The following DSTYK variants were observed in gnomAD, a reference collection of about 807,000 sequenced individuals.
DSTYK encodes dual serine/threonine and tyrosine protein kinase.
In DSTYK, 34 loss-of-function variants were observed where a neutral mutation model predicts 98.7. The observed-to-expected ratio is 0.34, with a 90% CI of 0.26 to 0.46. DSTYK has a LOEUF of 0.46. Among genes scored for constraint, DSTYK ranks in the 20% least tolerant of loss-of-function variants. The pLI, the probability that DSTYK is intolerant of heterozygous loss-of-function variation, is 1.00. For synonymous variants in DSTYK, 462 were observed against 457.3 expected, an observed-to-expected ratio of 1.01 and a Z score of -0.13; for missense variants, 962 against 1,181.7, an observed-to-expected ratio of 0.81 and a Z score of 2.73.
In DSTYK at chr1:205,145,425, GACTCCATTTAT is replaced by G. The variant is rs1423622119; in HGVS notation, c.*2122_*2132del. The G allele has an allele frequency of 6.6e-6, 1 of 151,876 alleles. No homozygotes were observed. The highest frequency in any genetic ancestry group is 1.5e-5 in the Non-Finnish European group (1 of 68,000). 9.4% of individuals were successfully genotyped at this position (151,876 alleles called of 1,614,324 possible). On this transcript the variant is annotated 3_prime_UTR_variant, in exon 13 of 13. Coordinates refer to ENST00000367162, the MANE Select transcript of DSTYK (RefSeq NM_015375.3). ...AAAGTTATATGAAAGACCCATTATAGACTCCATTTATACTCCATTAATATTTAAAAGATGGT... is the reference window on the plus strand; with the variant it reads ...AAAGTTATATGAAAGACCCATTATAGACTCCATTAATATTTAAAAGATGGT...
At chr1:205,157,504 G>C (rs1657597651) in intron 9 of DSTYK, 118 bp from the exon 10 acceptor site, 1 of 759,170 alleles carries the variant, frequency 1.3e-6, no homozygotes, top group Non-Finnish European at 2.2e-6. Context: ...GCCGGGCACA[G>C]TGGCTCATGC....
At position 205,165,264 on chromosome 1, in the gene DSTYK, T is replaced by C. The variant is rs562116527; in HGVS notation, c.1325-1309A>G. Among the ~76,000 whole-genome samples, 455 of 152,178 alleles carry C rather than the reference T, an allele frequency of 3.0e-3. 2 individuals are homozygous for C. Among genetic ancestry groups the C allele is most frequent in the Non-Finnish European group, 5.2e-3 (352 of 67,996 alleles). On this transcript the variant is annotated intron_variant, in intron 3 of 12. Coordinates refer to ENST00000367162, the MANE Select transcript of DSTYK (RefSeq NM_015375.3). ...CCCACCACCACGCCAGACTAATTTT[T>C]GTATTTAGTAGAGATGGGGTTTCAC...
intron 2 of DSTYK, among the ~76,000 whole-genome samples, chr1:205,172,634 T>C (rs947917352): frequency 2.0e-5 from 3 of 152,148 alleles, no homozygotes; most frequent in African/African-American, 7.2e-5. Context: ...TAAAATCTTT[T>C]TTATTTCCAA....
rs557437007 is a variant in DSTYK, at chr1:205,190,540, C to T, written c.266-2734G>A. ...CTGAGGCAGGAGAATCGCTTTAACC[C>T]GGGAAGCGGAGGTTGCAGTGAGCCA... On this transcript the variant is annotated intron_variant, in intron 1 of 12. Transcript: ENST00000367162. Among the ~76,000 whole-genome samples the T allele has an allele frequency of 1.8e-3, 248 of 140,556 alleles. 2 individuals carry two copies. The highest frequency in any genetic ancestry group is 0.017 in the Admixed American group (217 of 12,492). The allele number at this position is 140,556 out of a possible 152,430, so 92.2% of individuals were successfully genotyped here.
rs1175115837 is a variant in DSTYK, at chr1:205,150,842, C to T, written c.2353-48G>A. ...GTCACCTTGTTTCTGATCCTGCACA[C>T]AGCACTGCTGCGTACCTAAGCTCAA... On this transcript the variant is annotated intron_variant, in intron 10 of 12. Transcript: ENST00000367162. The surrounding 1 kb of genome is among the most constrained non-coding windows in gnomAD (Gnocchi z 4.1). 1.4e-6 allele frequency: 2 copies of T among 1,455,588 alleles called. No homozygotes were observed. The allele number at this position is 1,455,588 out of a possible 1,614,324, so 90.2% of individuals were successfully genotyped here.
In DSTYK at chr1:205,159,650, T is replaced by G. The variant is rs775839288; in HGVS notation, c.2135A>C (p.Asp712Ala). The G allele has an allele frequency of 6.2e-7, 1 of 1,613,700 alleles. No homozygotes were observed. Among genetic ancestry groups the G allele is most frequent in the Non-Finnish European group, 8.5e-7 (1 of 1,179,990 alleles). The change falls in exon 9 of 13, where the codon GAT becomes GCT. Residue 712 changes from aspartate to alanine, a missense_variant. Transcript: ENST00000367162. ...GTAGTCAATGACTGAACCATGGAGA[T>G]CCACCAATCGCTCATGCTTCGGCAG... Reference protein sequence around the residue: ...RSLPKHERLVDLHGSVIDYNY... With the variant: ...RSLPKHERLVALHGSVIDYNY...
chr1:205,179,040 G>T (rs1463764058), intron 2 of DSTYK, among the ~76,000 whole-genome samples: 2 of 151,698 alleles, frequency 1.3e-5, no homozygotes, highest in South Asian at 2.1e-4. Flanking sequence ...GAGGTGAGAG[G>T]ATCACTTGAG....
rs753457437 is a variant in DSTYK, at chr1:205,169,707, C to A, written c.780G>T (p.Arg260Ser). 1 of 1,614,188 alleles carries A rather than the reference C, an allele frequency of 6.2e-7. No homozygotes were observed. Among genetic ancestry groups the A allele is most frequent in the Non-Finnish European group, 8.5e-7 (1 of 1,180,030 alleles). The change falls in exon 3 of 13, where the codon AGG becomes AGT. Residue 260 changes from arginine to serine, a missense_variant. Arg to Ser is a moderately radical substitution (Grantham distance 110, BLOSUM62 -1). Coordinates refer to ENST00000367162, the MANE Select transcript of DSTYK (RefSeq NM_015375.3). This position sits in a 1 kb window ranked among gnomAD's most constrained non-coding sequence, Gnocchi z 4.0. ...GGATTTCCTGAAGCTCTTGCTCATC[C>A]CTCTCAGAGAGTTCATCTTTGTGGA... is the stretch of plus-strand genomic sequence containing the variant. ...YALHKDELSE[R>S]DEQELQEIRK...
intron 1 of DSTYK, chr1:205,202,690 A>G: frequency 9.4e-7 from 1 of 1,058,456 alleles, no homozygotes; most frequent in South Asian, 1.3e-5. Context: ...TGCCCAGAAG[A>G]AAAAGTTATC....
At position 205,161,329 on chromosome 1, in the gene DSTYK, C is replaced by T. The variant is rs765391969; in HGVS notation, c.1877G>A (p.Arg626Gln). Residue 626 changes from arginine to glutamine, a missense_variant, in exon 7 of 13, where the codon CGG (arginine) becomes CAG (glutamine). Physicochemically the swap from Arg to Gln is conservative, Grantham distance 43 (BLOSUM62 1). Around this residue, in one of 4 missense-constraint regions of DSTYK, gnomAD observed 660 missense variants for 855.0 expected, o/e 0.77. Transcript: ENST00000367162. The stretch of plus-strand genomic sequence containing the variant: ...GGCCAGGCGGGGAGCATGATCTTTC[C>T]GAACCCTCAGCCATAGATCTTCCGT... ...EKTEDLWLRVRKDHAPRLARL... is the reference protein window; with the variant it reads ...EKTEDLWLRVQKDHAPRLARL... 1.7e-5 allele frequency: 27 copies of T among 1,614,020 alleles called. No homozygotes were observed. Among genetic ancestry groups the T allele is most frequent in the Non-Finnish European group, 2.1e-5 (25 of 1,180,008 alleles).
intron 6 of DSTYK, 80 bp downstream of exon 6, chr1:205,161,956 G>T: frequency 7.2e-7 from 1 of 1,395,474 alleles, no homozygotes; most frequent in Non-Finnish European, 9.8e-7. Context: ...TATATATGAA[G>T]AGCGGAGAGC....
rs185665597 is a variant in DSTYK, at chr1:205,166,044, A to T, written c.1325-2089T>A. Among the ~76,000 whole-genome samples, 526 of 152,276 alleles carry T rather than the reference A, an allele frequency of 3.5e-3. 8 individuals carry two copies. The South Asian group carries it at 0.038, about 11-fold the overall frequency. On this transcript the variant is annotated intron_variant, in intron 3 of 12. Transcript: ENST00000367162. ...CTCAAAAAAAAATAAATAAATAAAA[A>T]TAAAAAACAAAAACAAACAGCTTAA...
rs906100594 is a variant in DSTYK at position 205,211,426 on chromosome 1, T to G, written c.110A>C (p.Tyr37Ser). 1.0e-5 allele frequency: 16 copies of G among 1,606,182 alleles called. No individual in the cohort carries two copies. The highest frequency in any genetic ancestry group is 3.4e-6 in the Non-Finnish European group (4 of 1,178,282). Residue 37 changes from tyrosine to serine, a missense_variant, in exon 1 of 13, where the codon TAC becomes TCC. By Grantham distance (144) the Tyr-to-Ser change is moderately radical. Around this residue, in one of 4 missense-constraint regions of DSTYK, gnomAD observed 168 missense variants for 120.0 expected, o/e 1.40. Transcript: ENST00000367162. The part of the protein sequence containing the change: ...LCRGFGRYRR[Y>S]LGRLRQNLRE... ...CAGGTTCTGTCGCAGCCGTCCCAGG[T>G]AGCGGCGGTAGCGGCCGAAGCCCCG...
chr1:205,194,055 G>A (rs1269473624), intron 1 of DSTYK, among the ~76,000 whole-genome samples: 2 of 152,174 alleles, frequency 1.3e-5, no homozygotes, highest in Non-Finnish European at 2.9e-5. Flanking sequence ...CAGCCTTGCT[G>A]GGTTTCTCAG....
Position 205,147,715 on chromosome 1 carries a change from T to C in DSTYK, c.2633A>G (p.Asp878Gly). The change falls in exon 13 of 13, where the codon GAT becomes GGT. Residue 878 changes from aspartate to glycine, a missense_variant. Physicochemically the swap from Asp to Gly is moderately conservative, Grantham distance 94. This residue lies in a region of DSTYK where 65 missense variants were observed against 63.9 expected (regional missense o/e 1.02). Coordinates refer to ENST00000367162, the MANE Select transcript of DSTYK (RefSeq NM_015375.3). ...GARPERLPVFDEECWQLMEAC... is the reference protein window; with the variant it reads ...GARPERLPVFGEECWQLMEAC... ...TTCCATCAACTGCCAGCACTCCTCA[T>C]CAAACACAGGAAGACGTTCTGGGCG... 6.2e-7 allele frequency: 1 copy of C among 1,613,718 alleles called. No individual in the cohort carries two copies. Among genetic ancestry groups the C allele is most frequent in the Non-Finnish European group, 8.5e-7 (1 of 1,179,936 alleles).
Position 205,174,761 on chromosome 1 carries a change from G to A in DSTYK, c.655-4929C>T, listed in dbSNP as rs1357832098. ...TTAATTTTTTTTTTTTTTTTGAGACGGAGTTTCACTCTTGTTGCCCAGGCT... is the reference window on the plus strand; with the variant it reads ...TTAATTTTTTTTTTTTTTTTGAGACAGAGTTTCACTCTTGTTGCCCAGGCT... On this transcript the variant is annotated intron_variant, in intron 2 of 12. Coordinates refer to ENST00000367162, the MANE Select transcript of DSTYK (RefSeq NM_015375.3). 3.8e-5 allele frequency among the ~76,000 whole-genome samples: 5 copies of A among 131,702 alleles called. No homozygotes were observed. In the Admixed American group the frequency reaches 4.1e-4, roughly 11 times the overall value. 86.4% of individuals were successfully genotyped at this position (131,702 alleles called of 152,430 possible). A position where few individuals can be genotyped will look rare whatever the true frequency, so the allele number is the denominator to read the frequency against.
At chr1:205,167,335 G>T (rs546591141) in intron 3 of DSTYK, among the ~76,000 whole-genome samples, 83 of 152,298 alleles carry the variant, frequency 5.4e-4, no homozygotes, top group African/African-American at 1.9e-3. Context: ...AGGAGATTGG[G>T]GCTGCAGTGA....
chr1:205,166,883 C>T (rs1287791131), intron 3 of DSTYK, among the ~76,000 whole-genome samples: 2 of 152,260 alleles, frequency 1.3e-5, no homozygotes, highest in Middle Eastern at 3.4e-3. Context: ...CATTGATTCT[C>T]CAAAGACGTA....
intron 2 of DSTYK, among the ~76,000 whole-genome samples, chr1:205,186,337 T>C (rs889208752): frequency 6.6e-6 from 1 of 152,208 alleles, no homozygotes. Context: ...GAATGGGGGC[T>C]TGTTACATAG....
Sources: allele counts gnomAD v4.1 joint callset (sites outside exome capture counted in the v4.1 genomes callset), GRCh38; gene constraint gnomAD v4.1.1; regional missense constraint gnomAD v4.1.1; non-coding constraint Gnocchi (gnomAD v3.1); transcripts MANE v1.5; gene names NCBI Gene and HGNC (gene_info 2026-07-23, HGNC 2026-07-21).